The following GRIK4 variants were observed in gnomAD, a reference collection of about 807,000 sequenced individuals.
GRIK4 encodes glutamate receptor ionotropic, kainate 4.
Under a neutral mutation model 104.9 loss-of-function variants are expected in GRIK4, and 40 were observed. The ratio of observed to expected loss-of-function variants is 0.38; its 90% CI spans 0.30 to 0.50. The LOEUF is 0.50. Among genes scored for constraint, GRIK4 ranks in the 20% least tolerant of loss-of-function variants. The pLI, the probability that GRIK4 is intolerant of heterozygous loss-of-function variation, is 0.93. For missense variants in GRIK4, 1,047 were observed against 1,308.1 expected, an observed-to-expected ratio of 0.80 and a Z score of 3.08; for synonymous variants, 485 against 524.9, an observed-to-expected ratio of 0.92 and a Z score of 1.04.
intron 11 of GRIK4, chr11:120,894,293 G>A (rs1245256247): frequency 1.3e-5 from 2 of 152,144 alleles, no homozygotes; most frequent in East Asian, 3.9e-4. Flanking sequence ...GGGGAAACAG[G>A]CTCAGAGGGA....
chr11:120,597,910 T>G (rs1438728361), intron 1 of GRIK4, among the ~76,000 whole-genome samples: 1 of 152,172 alleles, frequency 6.6e-6, no homozygotes, highest in East Asian at 1.9e-4. Context: ...CCCTAATTAC[T>G]GCTTGATGGA....
At chr11:120,737,577 T>C (rs895807448) in intron 3 of GRIK4, among the ~76,000 whole-genome samples, 1 of 151,778 alleles carries the variant, frequency 6.6e-6, no homozygotes, top group Non-Finnish European at 1.5e-5. Context: ...ACAAATAAAT[T>C]GTAAGGAAAG....
At chr11:120,961,558 C>T (rs559865162) in intron 17 of GRIK4, among the ~76,000 whole-genome samples, 4 of 152,306 alleles carry the variant, frequency 2.6e-5, no homozygotes, top group Admixed American at 2.6e-4. Context: ...TTAAGACGAA[C>T]TGGCTTCACT....
intron 11 of GRIK4, chr11:120,894,242 A>G (rs1161641244): frequency 1.3e-5 from 2 of 152,180 alleles, no homozygotes; most frequent in South Asian, 2.1e-4. Flanking sequence ...AAGAACCCCT[A>G]TGAGGTAATA....
intron 17 of GRIK4, 56 bp downstream of exon 17, chr11:120,961,130 A>G (rs1944279331): frequency 1.4e-6 from 2 of 1,469,438 alleles, no homozygotes; most frequent in Admixed American, 3.5e-5. Context: ...TAAAGTTGAG[A>G]TGTTTCTCTG....
chr11:120,685,752 C>T (rs2135297788), intron 3 of GRIK4, among the ~76,000 whole-genome samples: 1 of 152,318 alleles, frequency 6.6e-6, no homozygotes, highest in Middle Eastern at 3.4e-3. Context: ...GAAGCTCTCT[C>T]TTGATCTTGG....
At chr11:120,922,195 G>A (rs1015720913) in intron 13 of GRIK4, among the ~76,000 whole-genome samples, 1 of 152,156 alleles carries the variant, frequency 6.6e-6, no homozygotes, top group Non-Finnish European at 1.5e-5. Flanking sequence ...AACATTACAA[G>A]GGCAAAAGTA....
At chr11:120,840,263 G>A (rs1266147720) in intron 8 of GRIK4, among the ~76,000 whole-genome samples, 1 of 152,214 alleles carries the variant, frequency 6.6e-6, no homozygotes, top group African/African-American at 2.4e-5. Flanking sequence ...AGGAAGTATG[G>A]AGATGAAGGC....
In GRIK4 at chr11:120,967,059, AC is replaced by A. The variant is rs905781576; in HGVS notation, c.2267-133del. The A allele has an allele frequency of 1.1e-6, 1 of 950,732 alleles. No homozygotes were observed. 58.9% of individuals were successfully genotyped at this position (950,732 alleles called of 1,614,324 possible). A position where few individuals can be genotyped will look rare whatever the true frequency, so the allele number is the denominator to read the frequency against. ...AGCACTGGCCCCATGGGCTCGCCCC[AC>A]CCGCTGCATCTGTCTGTCCCCTCTC... is the stretch of plus-strand genomic sequence containing the variant. On this transcript the variant is annotated intron_variant, in intron 18 of 20. Transcript: ENST00000527524. The surrounding 1 kb of genome is among the most constrained non-coding windows in gnomAD (Gnocchi z 4.2).
At chr11:120,547,477 A>C (rs558517527) in intron 1 of GRIK4, among the ~76,000 whole-genome samples, 112 of 152,288 alleles carry the variant, frequency 7.4e-4, no homozygotes, top group Non-Finnish European at 1.3e-3. Context: ...ACACAGGCAT[A>C]AAATCTCACC....
At chr11:120,918,592 T>C (rs1024745769) in intron 13 of GRIK4, among the ~76,000 whole-genome samples, 3 of 151,420 alleles carry the variant, frequency 2.0e-5, no homozygotes, top group Admixed American at 2.0e-4. Context: ...TACTTGTCGA[T>C]TTTTTTCCTA....
At chr11:120,547,899 C>T (rs910096599) in intron 1 of GRIK4, among the ~76,000 whole-genome samples, 3 of 152,118 alleles carry the variant, frequency 2.0e-5, no homozygotes, top group Non-Finnish European at 4.4e-5. Context: ...ATAAATATGC[C>T]GGGTATGAGG....
At chr11:120,889,352 C>A (rs917694192) in intron 11 of GRIK4, among the ~76,000 whole-genome samples, 4 of 152,110 alleles carry the variant, frequency 2.6e-5, no homozygotes, top group African/African-American at 9.7e-5. Context: ...TTCCTGGGAT[C>A]CCTGGCCATA....
intron 14 of GRIK4, among the ~76,000 whole-genome samples, chr11:120,943,155 C>A (rs916478097): frequency 6.1e-3 from 30 of 4,954 alleles, no homozygotes; most frequent in East Asian, 0.021. Context: ...CACACACCCC[C>A]CTGACTGTTT....
chr11:120,521,920 T>A (rs772961173), intron 1 of GRIK4, among the ~76,000 whole-genome samples: 1 of 152,226 alleles, frequency 6.6e-6, no homozygotes, highest in Non-Finnish European at 1.5e-5. Context: ...TTCCCCTTCT[T>A]CTGAAAGCTG....
At chr11:120,797,876 G>A (rs535800563) in intron 3 of GRIK4, among the ~76,000 whole-genome samples, 8 of 152,210 alleles carry the variant, frequency 5.3e-5, no homozygotes, top group South Asian at 4.2e-4. Flanking sequence ...TATTTCCCAC[G>A]TACTCATTTT....
At chr11:120,517,446 C>G (rs916621861) in intron 1 of GRIK4, among the ~76,000 whole-genome samples, 3 of 148,536 alleles carry the variant, frequency 2.0e-5, no homozygotes, top group Non-Finnish European at 4.5e-5. Flanking sequence ...GCATCGTTTG[C>G]CCCAGGGAGG....
chr11:120,774,707 A>T (rs916015090), intron 3 of GRIK4, among the ~76,000 whole-genome samples: 1 of 152,146 alleles, frequency 6.6e-6, no homozygotes, highest in African/African-American at 2.4e-5. Context: ...TATAGTCTGC[A>T]TTCTCTCTGT....
intron 3 of GRIK4, among the ~76,000 whole-genome samples, chr11:120,794,537 G>A (rs945925462): frequency 4.5e-4 from 68 of 151,874 alleles, no homozygotes; most frequent in African/African-American, 1.6e-3. Context: ...AATCCAGTTG[G>A]ACTTCTGTCT....
Sources: gnomAD v4.1 joint callset for allele counts (sites outside exome capture counted in the v4.1 genomes callset) on GRCh38, gnomAD v4.1.1 for gene constraint, Gnocchi (gnomAD v3.1) non-coding constraint, MANE v1.5 for transcripts, NCBI Gene and HGNC (gene_info 2026-07-23, HGNC 2026-07-21) for gene names.